UBAP1: variants seen among roughly 807,000 people sequenced by gnomAD.
UBAP1 encodes ubiquitin-associated protein 1.
In UBAP1, 5 loss-of-function variants were observed where a neutral mutation model predicts 39.0. The observed-to-expected ratio is 0.13, with a 90% CI of 0.07 to 0.27. The LOEUF (loss-of-function observed/expected upper bound fraction) is 0.27. UBAP1 is among the 10% of genes least tolerant of loss of function. The pLI is 1.00. For synonymous variants in UBAP1, 211 were observed against 225.1 expected (o/e 0.94, Z 0.56); for missense variants, 490 against 608.1 (o/e 0.81, Z 2.04).
chr9:34,182,636 T>C (rs1020137869), intron 1 of UBAP1, among the ~76,000 whole-genome samples: 2 of 61,606 alleles, frequency 3.2e-5, no homozygotes, highest in Non-Finnish European at 4.2e-5. Context: ...TCTTTCTTTC[T>C]TTCTTTCTTT....
Position 34,249,954 on chromosome 9 carries a change from T to C in UBAP1, c.1259T>C (p.Ile420Thr). The C allele has an allele frequency of 1.2e-6, 2 of 1,613,942 alleles. No individual in the cohort carries two copies. Among genetic ancestry groups the C allele is most frequent in the South Asian group, 2.2e-5 (2 of 91,074 alleles). Residue 420 changes from isoleucine (I) to threonine (T), a missense_variant, in exon 5 of 7, where the codon ATT becomes ACT. Physicochemically the swap from Ile to Thr is moderately conservative, Grantham distance 89 (BLOSUM62 -1). Transcript: ENST00000297661. ...GCCATGAAGAAGAAAGGAGAGAATA[T>C]TGAGCAGGTGAGCGGTTGGTCAGCC... Reference protein sequence around the residue: ...LRAMKKKGENIEQILDYLFAH... With the variant: ...LRAMKKKGENTEQILDYLFAH...
At chr9:34,195,188 T>C (rs1331968543) in intron 1 of UBAP1, among the ~76,000 whole-genome samples, 5 of 152,086 alleles carry the variant, frequency 3.3e-5, no homozygotes, top group African/African-American at 1.2e-4. Flanking sequence ...TTTGATTTCA[T>C]TGAAGTCCCC....
chr9:34,237,259 A>G (rs1330357586), intron 3 of UBAP1, among the ~76,000 whole-genome samples: 1 of 152,144 alleles, frequency 6.6e-6, no homozygotes, highest in Non-Finnish European at 1.5e-5. Context: ...TGCCTTAATC[A>G]CTGCCCTCAA....
intron 4 of UBAP1, among the ~76,000 whole-genome samples, chr9:34,247,388 T>C (rs1419999335): frequency 2.6e-5 from 4 of 152,188 alleles, no homozygotes; most frequent in Non-Finnish European, 5.9e-5. Flanking sequence ...AAAAATATTG[T>C]AGAGCATGTA....
At chr9:34,237,892 A>T (rs981765788) in intron 3 of UBAP1, among the ~76,000 whole-genome samples, 3 of 152,224 alleles carry the variant, frequency 2.0e-5, no homozygotes, top group Non-Finnish European at 4.4e-5. Flanking sequence ...TAAGGTATAC[A>T]TACAGTTCAG....
At chr9:34,229,802 G>T (rs1833313038) in intron 2 of UBAP1, among the ~76,000 whole-genome samples, 1 of 152,122 alleles carries the variant, frequency 6.6e-6, no homozygotes, top group Non-Finnish European at 1.5e-5. Flanking sequence ...CTCCCAAAAT[G>T]CTGGGATTAC....
intron 2 of UBAP1, among the ~76,000 whole-genome samples, chr9:34,224,867 CTA>C (rs1256955164): frequency 1.3e-5 from 2 of 152,172 alleles, no homozygotes; most frequent in Non-Finnish European, 2.9e-5. Flanking sequence ...CCTTTCTTCA[CTA>C]TATGTCTCTG....
At position 34,252,232 on chromosome 9, in the gene UBAP1, T is replaced by G. The variant is rs940195886; in HGVS notation, c.*700T>G. The G allele has an allele frequency of 6.6e-6, 1 of 152,614 alleles. No individual in the cohort carries two copies. Among genetic ancestry groups the G allele is most frequent in the African/African-American group, 2.4e-5 (1 of 41,430 alleles). 9.5% of individuals were successfully genotyped at this position (152,614 alleles called of 1,614,324 possible). ...CTCTAGGAAACAGTTTAAGAAATCA[T>G]TGGCCCCTTCCCAGCACATTGAATG... On this transcript the variant is annotated 3_prime_UTR_variant, in exon 7 of 7. Coordinates refer to ENST00000297661, the MANE Select transcript of UBAP1 (RefSeq NM_016525.5).
chr9:34,227,955 C>T (rs1170017323), intron 2 of UBAP1, among the ~76,000 whole-genome samples: 4 of 152,010 alleles, frequency 2.6e-5, no homozygotes, highest in South Asian at 2.1e-4. Flanking sequence ...AGTGAGCCCT[C>T]AGCTCTACAA....
Position 34,179,114 on chromosome 9 carries a change from C to A in UBAP1, c.-134C>A. 7.8e-7 allele frequency: 1 copy of A among 1,275,172 alleles called. No individual in the cohort carries two copies. The highest frequency in any genetic ancestry group is 9.9e-7 in the Non-Finnish European group (1 of 1,008,764). 79.0% of individuals were successfully genotyped at this position (1,275,172 alleles called of 1,614,324 possible). Reference sequence around the variant, plus strand: ...CGGTGACGGCCTGGCCCGGAGCGGGCAGAGTTGGAGGTGGTGGCGTTCGCT... The same window carrying A: ...CGGTGACGGCCTGGCCCGGAGCGGGAAGAGTTGGAGGTGGTGGCGTTCGCT... On this transcript the variant is annotated 5_prime_UTR_variant, in exon 1 of 7. Coordinates refer to ENST00000297661, the MANE Select transcript of UBAP1 (RefSeq NM_016525.5).
chr9:34,243,610 C>T (rs1460275052), intron 4 of UBAP1, among the ~76,000 whole-genome samples: 2 of 152,000 alleles, frequency 1.3e-5, no homozygotes, highest in African/African-American at 4.8e-5. Flanking sequence ...CTCTCGCAGC[C>T]TGCCAAGTAG....
chr9:34,249,800 G>A lies in UBAP1; in HGVS notation c.1105G>A (p.Val369Met). 6.2e-7 allele frequency: 1 copy of A among 1,614,076 alleles called. No individual in the cohort carries two copies. ...GPTVTPPNFSVSQVPNMPSCP... is the reference protein window; with the variant it reads ...GPTVTPPNFSMSQVPNMPSCP... ...CTAGGTCACCCCTCCTAATTTCTCA[G>A]TGTCACAAGTGCCCAACATGCCCAG... is the stretch of plus-strand genomic sequence containing the variant. Residue 369 changes from valine to methionine, a missense_variant, in exon 5 of 7, where the codon GTG becomes ATG. Coordinates refer to ENST00000297661, the MANE Select transcript of UBAP1 (RefSeq NM_016525.5).
Position 34,241,775 on chromosome 9 carries a change from C to T in UBAP1, c.750C>T (p.Ser250=), listed in dbSNP as rs1020644591. 6.2e-7 allele frequency: 1 copy of T among 1,613,942 alleles called. No individual in the cohort carries two copies. Among genetic ancestry groups the T allele is most frequent in the Non-Finnish European group, 8.5e-7 (1 of 1,180,008 alleles). ...ACTGTGAAAAGATGTCACTGTCTTCCAAAGTGTCCCTCCCCCCTATACCTG... is the reference window on the plus strand; with the variant it reads ...ACTGTGAAAAGATGTCACTGTCTTCTAAAGTGTCCCTCCCCCCTATACCTG... ...LGNCEKMSLS[S]KVSLPPIPAV... is the part of the protein sequence containing the mutation. Residue 250 remains serine (S), a synonymous_variant, in exon 4 of 7, where the codon TCC becomes TCT. Coordinates refer to ENST00000297661, the MANE Select transcript of UBAP1 (RefSeq NM_016525.5).
chr9:34,221,680 A>G (rs980965512), intron 2 of UBAP1, among the ~76,000 whole-genome samples: 94 of 152,182 alleles, frequency 6.2e-4, no homozygotes, highest in African/African-American at 2.1e-3. Flanking sequence ...AAAGGAAGTA[A>G]TTTACTACAA....
chr9:34,223,553 C>T (rs1832875328), intron 2 of UBAP1, among the ~76,000 whole-genome samples: 2 of 152,198 alleles, frequency 1.3e-5, no homozygotes, highest in South Asian at 2.1e-4. Context: ...CTCCTGGGCT[C>T]ACGCCATTCT....
intron 1 of UBAP1, among the ~76,000 whole-genome samples, chr9:34,194,197 T>C (rs1830891625): frequency 6.6e-6 from 1 of 152,166 alleles, no homozygotes; most frequent in South Asian, 2.1e-4. Context: ...TTCTGTAAAG[T>C]TAGGTTTATT....
chr9:34,221,343 C>T (rs1206205024), intron 2 of UBAP1, among the ~76,000 whole-genome samples: 2 of 152,020 alleles, frequency 1.3e-5, no homozygotes, highest in East Asian at 1.9e-4. Context: ...TCCTGTCTAA[C>T]ACGGTGAAAC....
chr9:34,179,137 G>A lies in UBAP1; in HGVS notation c.-111G>A, dbSNP rs1829874889. On this transcript the variant is annotated 5_prime_UTR_variant, in exon 1 of 7. Transcript: ENST00000297661. Reference sequence around the variant, plus strand: ...GGCAGAGTTGGAGGTGGTGGCGTTCGCTCTCCCTAGGGGCTGTCGGGAGCT... The same window carrying A: ...GGCAGAGTTGGAGGTGGTGGCGTTCACTCTCCCTAGGGGCTGTCGGGAGCT... The A allele has an allele frequency of 2.4e-6, 3 of 1,263,002 alleles. No homozygotes were observed. Among genetic ancestry groups the A allele is most frequent in the Non-Finnish European group, 2.0e-6 (2 of 1,002,060 alleles). The allele number at this position is 1,263,002 out of a possible 1,614,324, so 78.2% of individuals were successfully genotyped here. A position where few individuals can be genotyped will look rare whatever the true frequency, so the allele number is the denominator to read the frequency against.
chr9:34,216,692 G>A (rs1832341704), intron 1 of UBAP1, among the ~76,000 whole-genome samples: 1 of 122,588 alleles, frequency 8.2e-6, no homozygotes, highest in African/African-American at 3.2e-5. Context: ...TCTTGCCCAA[G>A]CTGGAGTGCA....
Sources: gnomAD v4.1 joint callset for allele counts (sites outside exome capture counted in the v4.1 genomes callset) on GRCh38, gnomAD v4.1.1 for gene constraint, MANE v1.5 for transcripts, NCBI Gene and HGNC (gene_info 2026-07-23, HGNC 2026-07-21) for gene names.